Variants in PHKB observed in about 807,000 individuals in gnomAD.
PHKB encodes phosphorylase b kinase regulatory subunit beta.
PHKB carries 122 observed loss-of-function variants against 152.1 expected under a neutral mutation model. That is an observed-to-expected ratio of 0.80 (90% confidence interval 0.69 to 0.93). PHKB has a LOEUF of 0.93. PHKB is among the 40% of genes least tolerant of loss of function. The probability of loss-of-function intolerance (pLI) is 0.00; values close to 1 mark genes in which losing one functional copy is unlikely to be tolerated. For missense variants in PHKB, 1,304 were observed against 1,328.4 expected, an observed-to-expected ratio of 0.98 and a Z score of 0.29; for synonymous variants, 436 against 464.9, an observed-to-expected ratio of 0.94 and a Z score of 0.80.
intron 14 of PHKB, among the ~76,000 whole-genome samples, chr16:47,628,252 G>A (rs1399236195): frequency 6.6e-6 from 1 of 152,142 alleles, no homozygotes; most frequent in African/African-American, 2.4e-5. Context: ...AAAACTACTG[G>A]CCGGGCGCGG....
At chr16:47,494,116 G>T (rs1038519645) in intron 1 of PHKB, among the ~76,000 whole-genome samples, 1 of 152,196 alleles carries the variant, frequency 6.6e-6, no homozygotes, top group Non-Finnish European at 1.5e-5. Context: ...AGGACTTATC[G>T]TATTGGTACC....
chr16:47,492,501 T>G (rs1284997563), intron 1 of PHKB, among the ~76,000 whole-genome samples: 1 of 152,230 alleles, frequency 6.6e-6, no homozygotes, highest in Non-Finnish European at 1.5e-5. Flanking sequence ...CCTCCATCAG[T>G]GAGAAAGACT....
intron 10 of PHKB, among the ~76,000 whole-genome samples, chr16:47,592,372 C>A (rs1972043507): frequency 6.6e-6 from 1 of 152,236 alleles, no homozygotes; most frequent in Non-Finnish European, 1.5e-5. Flanking sequence ...GCTGGCCTGG[C>A]CCATCTGTTG....
intron 3 of PHKB, 108 bp downstream of exon 3, chr16:47,500,002 G>A (rs1597033593): frequency 7.9e-7 from 1 of 1,268,758 alleles, no homozygotes; most frequent in Non-Finnish European, 1.1e-6. Context: ...GACTCACTGT[G>A]CGACCTATGA....
intron 26 of PHKB, among the ~76,000 whole-genome samples, chr16:47,683,986 A>T (rs1008870876): frequency 4.0e-5 from 6 of 151,810 alleles, no homozygotes; most frequent in Non-Finnish European, 5.9e-5. Context: ...TTTAAAAAAA[A>T]TTATTTTTTC....
Position 47,700,348 on chromosome 16 carries a change from C to CAAAAAAA in PHKB, c.*994_*1000dup, listed in dbSNP as rs11299370. On this transcript the variant is annotated 3_prime_UTR_variant, in exon 31 of 31. Transcript: ENST00000323584. ...TGGGTGACAGAGCGAGACTCCATCTCAAAAAAAAAAAAAAAAAAGAAAAAG... is the reference window on the plus strand; with the variant it reads ...TGGGTGACAGAGCGAGACTCCATCTCAAAAAAAAAAAAAAAAAAAAAAAAAGAAAAAG... 4 of 63,416 alleles carry CAAAAAAA rather than the reference C, an allele frequency of 6.3e-5. No homozygotes were observed. The highest frequency in any genetic ancestry group is 7.4e-5 in the Non-Finnish European group (2 of 27,146). The allele number at this position is 63,416 out of a possible 1,614,324, so 3.9% of individuals were successfully genotyped here.
intron 6 of PHKB, among the ~76,000 whole-genome samples, chr16:47,542,486 C>A (rs1971078191): frequency 6.6e-6 from 1 of 152,094 alleles, no homozygotes; most frequent in African/African-American, 2.4e-5. Flanking sequence ...AATGCGGGAT[C>A]TTTTTTGGTT....
intron 1 of PHKB, among the ~76,000 whole-genome samples, chr16:47,474,971 G>A (rs1201199049): frequency 2.0e-5 from 3 of 152,118 alleles, no homozygotes; most frequent in African/African-American, 7.2e-5. Flanking sequence ...TGATCCTCCC[G>A]CCTCAGCCTC....
At chr16:47,597,297 A>G (rs1349782986) in intron 13 of PHKB, among the ~76,000 whole-genome samples, 1 of 152,170 alleles carries the variant, frequency 6.6e-6, no homozygotes. Flanking sequence ...TGTTTCTAGC[A>G]TTACTGCATA....
At chr16:47,579,950 T>A (rs1971814165) in intron 7 of PHKB, among the ~76,000 whole-genome samples, 1 of 152,182 alleles carries the variant, frequency 6.6e-6, no homozygotes, top group African/African-American at 2.4e-5. Flanking sequence ...TTCCTGCTAA[T>A]TACTGCACTT....
At chr16:47,491,714 C>T (rs1970153174) in intron 1 of PHKB, among the ~76,000 whole-genome samples, 1 of 152,080 alleles carries the variant, frequency 6.6e-6, no homozygotes. Context: ...TCTGATACTC[C>T]CAAAAGTAAA....
chr16:47,638,910 G>A (rs1433192814), intron 14 of PHKB, among the ~76,000 whole-genome samples: 1 of 152,172 alleles, frequency 6.6e-6, no homozygotes, highest in Non-Finnish European at 1.5e-5. Flanking sequence ...TAGGAAAAAT[G>A]CCATTCAGAA....
intron 16 of PHKB, among the ~76,000 whole-genome samples, chr16:47,642,463 AT>A (rs2151727026): frequency 6.6e-6 from 1 of 152,282 alleles, no homozygotes; most frequent in South Asian, 2.1e-4. Flanking sequence ...CCCACTACTT[AT>A]TTATACACTG....
intron 6 of PHKB, among the ~76,000 whole-genome samples, chr16:47,537,885 T>A (rs1970979734): frequency 6.7e-6 from 1 of 148,422 alleles, no homozygotes. Flanking sequence ...TCTCTCTCTC[T>A]CTCTCTCTCT....
chr16:47,527,920 GACCTGCCAAC>G (rs1190921250), intron 6 of PHKB, among the ~76,000 whole-genome samples: 2 of 152,162 alleles, frequency 1.3e-5, no homozygotes, highest in Non-Finnish European at 2.9e-5. Context: ...GGAGAAACCA[GACCTGCCAAC>G]ACCTTGGTCT....
Position 47,553,536 on chromosome 16 carries a change from G to T in PHKB, c.710+5988G>T, listed in dbSNP as rs1971312033. ...TACCCACCTTCTGAAGCCTACTTCT[G>T]TCAGTTCATCAAACATTCTCCATCC... On this transcript the variant is annotated intron_variant, in intron 7 of 30. Transcript: ENST00000323584. 2.0e-5 allele frequency among the ~76,000 whole-genome samples: 3 copies of T among 152,072 alleles called. No homozygotes were observed. In the South Asian group the frequency reaches 6.2e-4, roughly 31 times the overall value.
At chr16:47,514,089 C>T (rs1346176332) in intron 5 of PHKB, among the ~76,000 whole-genome samples, 1 of 152,150 alleles carries the variant, frequency 6.6e-6, no homozygotes, top group Non-Finnish European at 1.5e-5. Context: ...CTACTCTTGG[C>T]ATTTCATATA....
chr16:47,622,525 G>A (rs1266274561), intron 14 of PHKB, among the ~76,000 whole-genome samples: 1 of 152,092 alleles, frequency 6.6e-6, no homozygotes, highest in East Asian at 1.9e-4. Flanking sequence ...GCTACTTGAG[G>A]CAATATTTTA....
At chr16:47,567,345 G>C (rs1971586856) in intron 7 of PHKB, among the ~76,000 whole-genome samples, 1 of 151,684 alleles carries the variant, frequency 6.6e-6, no homozygotes, top group East Asian at 1.9e-4. Flanking sequence ...TTCTCAGCTT[G>C]TTCGTTATTG....
Sources: gnomAD v4.1 joint callset for allele counts (sites outside exome capture counted in the v4.1 genomes callset) on GRCh38, gnomAD v4.1.1 for gene constraint, MANE v1.5 for transcripts, NCBI Gene and HGNC (gene_info 2026-07-23, HGNC 2026-07-21) for gene names.